Variants in PIK3C2G observed in about 807,000 individuals in gnomAD.
PIK3C2G encodes phosphatidylinositol-4-phosphate 3-kinase catalytic subunit type 2 gamma, also known as phosphatidylinositol 3-kinase C2 domain-containing subunit gamma.
Under a neutral mutation model 181.1 loss-of-function variants are expected in PIK3C2G, and 168 were observed. That is an observed-to-expected ratio of 0.93 (90% CI 0.82 to 1.05). The LOEUF is 1.05. Ranked by LOEUF, PIK3C2G falls within the 50% of genes least tolerant of loss-of-function variation. PIK3C2G has a pLI of 0.00. For synonymous variants in PIK3C2G, 573 were observed against 592.2 expected (o/e 0.97, Z 0.47); for missense variants, 1,869 against 1,732.8 (o/e 1.08, Z -1.40).
At chr12:18,587,653 A>G (rs1946860054) in intron 29 of PIK3C2G, among the ~76,000 whole-genome samples, 1 of 151,908 alleles carries the variant, frequency 6.6e-6, no homozygotes, top group African/African-American at 2.4e-5. Flanking sequence ...AGTCAATGCT[A>G]TTCCTGTCAA....
chr12:18,330,837 G>T (rs1011226569), intron 8 of PIK3C2G, among the ~76,000 whole-genome samples: 2 of 152,144 alleles, frequency 1.3e-5, no homozygotes, highest in Admixed American at 6.6e-5. Context: ...GTCTGTGACT[G>T]GTTGTTGGTT....
chr12:18,331,282 G>C (rs1937937171), intron 8 of PIK3C2G, among the ~76,000 whole-genome samples: 1 of 152,026 alleles, frequency 6.6e-6, no homozygotes, highest in Non-Finnish European at 1.5e-5. Context: ...TTAAAAAATT[G>C]TATTTTCTAA....
intron 30 of PIK3C2G, among the ~76,000 whole-genome samples, chr12:18,607,810 G>A (rs928672440): frequency 4.6e-5 from 7 of 151,912 alleles, no homozygotes; most frequent in Non-Finnish European, 7.4e-5. Flanking sequence ...TCTGACAAAG[G>A]GCTAGTATCC....
the PIK3C2G span, among the ~76,000 whole-genome samples, chr12:18,692,248 G>A: frequency 6.6e-6 from 1 of 152,170 alleles, no homozygotes; most frequent in South Asian, 2.1e-4. Flanking sequence ...ACAGTTCTAG[G>A]AGTAACTAGT....
chr12:18,525,502 T>TTTAGA (rs918573112), intron 24 of PIK3C2G, among the ~76,000 whole-genome samples: 4 of 152,140 alleles, frequency 2.6e-5, no homozygotes, highest in African/African-American at 9.7e-5. Context: ...TTTTGTCAGG[T>TTTAGA]TTAGATTGGG....
chr12:18,582,511 C>T (rs1946555601), intron 29 of PIK3C2G, among the ~76,000 whole-genome samples: 1 of 152,072 alleles, frequency 6.6e-6, no homozygotes, highest in African/African-American at 2.4e-5. Flanking sequence ...ACCGGGCTTC[C>T]TAGCAAAAGT....
intron 31 of PIK3C2G, among the ~76,000 whole-genome samples, chr12:18,611,198 G>A (rs918204290): frequency 4.6e-4 from 70 of 152,204 alleles, no homozygotes; most frequent in Middle Eastern, 3.4e-3. Flanking sequence ...GAATGGGAAA[G>A]AGCAAGAGTT....
chr12:18,381,591 C>T (rs748578209), intron 13 of PIK3C2G, among the ~76,000 whole-genome samples, 175 bp from the exon 14 acceptor site: 5 of 152,156 alleles, frequency 3.3e-5, no homozygotes, highest in African/African-American at 9.7e-5. Flanking sequence ...ATATTAGAAA[C>T]GAACTGTTAA....
At chr12:18,701,061 T>C in the PIK3C2G span, among the ~76,000 whole-genome samples, 1 of 151,912 alleles carries the variant, frequency 6.6e-6, no homozygotes, top group South Asian at 2.1e-4. Flanking sequence ...CTCGGCTCAC[T>C]GCAACATCCG....
At chr12:18,517,811 G>T (rs571271854) in intron 24 of PIK3C2G, among the ~76,000 whole-genome samples, 1 of 152,230 alleles carries the variant, frequency 6.6e-6, no homozygotes, top group East Asian at 1.9e-4. Context: ...TCTTGTGCTG[G>T]TTTTCAAAGG....
At chr12:18,461,964 C>T (rs1187712083) in intron 18 of PIK3C2G, among the ~76,000 whole-genome samples, 2 of 152,206 alleles carry the variant, frequency 1.3e-5, no homozygotes, top group Non-Finnish European at 2.9e-5. Flanking sequence ...CTGACCTCTG[C>T]TTCTGTTGTC....
chr12:18,682,257 T>C, the PIK3C2G span, among the ~76,000 whole-genome samples: 492 of 152,168 alleles, frequency 3.2e-3, 4 homozygotes, highest in African/African-American at 0.011. Context: ...TAAAACATGC[T>C]AGTTGGGTTA....
At chr12:18,627,399 G>A (rs1240584811) in intron 31 of PIK3C2G, among the ~76,000 whole-genome samples, 1 of 152,036 alleles carries the variant, frequency 6.6e-6, no homozygotes, top group African/African-American at 2.4e-5. Flanking sequence ...CATTGCTGGA[G>A]CATTTTTGGT....
intron 30 of PIK3C2G, among the ~76,000 whole-genome samples, chr12:18,606,575 C>T (rs898717280): frequency 4.6e-5 from 7 of 151,906 alleles, no homozygotes; most frequent in African/African-American, 1.7e-4. Flanking sequence ...ATATTATTAA[C>T]AATAAAATTA....
chr12:18,546,091 T>C (rs1401499299), intron 25 of PIK3C2G, among the ~76,000 whole-genome samples: 1 of 151,952 alleles, frequency 6.6e-6, no homozygotes, highest in African/African-American at 2.4e-5. Flanking sequence ...TCTACAAGAA[T>C]GTTCCAATTA....
the PIK3C2G span, chr12:18,701,706 C>T: frequency 6.2e-7 from 1 of 1,611,576 alleles, no homozygotes; most frequent in Admixed American, 1.7e-5. Flanking sequence ...CTTATCAGAA[C>T]CTTTTCTTTC....
At chr12:18,539,069 A>G (rs1944014383) in intron 25 of PIK3C2G, among the ~76,000 whole-genome samples, 1 of 151,898 alleles carries the variant, frequency 6.6e-6, no homozygotes, top group Non-Finnish European at 1.5e-5. Flanking sequence ...TGGGATTTGG[A>G]GTCTATGAAA....
At position 18,497,630 on chromosome 12, in the gene PIK3C2G, T is replaced by A; in HGVS notation, c.2898T>A (p.Asp966Glu). 6.2e-7 allele frequency: 1 copy of A among 1,612,418 alleles called. No individual in the cohort carries two copies. Among genetic ancestry groups the A allele is most frequent in the Non-Finnish European group, 8.5e-7 (1 of 1,179,052 alleles). The change falls in exon 22 of 33, where the codon GAT (aspartate) becomes GAA (glutamate). Residue 966 changes from aspartate (D) to glutamate (E), a missense_variant. By Grantham distance (45) the Asp-to-Glu change is conservative. Coordinates refer to ENST00000538779, the MANE Select transcript of PIK3C2G (RefSeq NM_001288772.2). ...TTTGTTTTTAACAGGCTGGAGATGATCTTCGTCAGGATATGCTTGTTCTGC... is the reference window on the plus strand; with the variant it reads ...TTTGTTTTTAACAGGCTGGAGATGAACTTCGTCAGGATATGCTTGTTCTGC... ...NISIIFKAGD[D>E]LRQDMLVLQL...
At chr12:18,389,593 T>A (rs908490538) in intron 14 of PIK3C2G, among the ~76,000 whole-genome samples, 4 of 152,186 alleles carry the variant, frequency 2.6e-5, no homozygotes, top group East Asian at 1.9e-4. Context: ...TTATGTATGG[T>A]GCTTAAAAGT....
Sources: allele counts gnomAD v4.1 joint callset (sites outside exome capture counted in the v4.1 genomes callset), GRCh38; gene constraint gnomAD v4.1.1; transcripts MANE v1.5; gene names NCBI Gene and HGNC (gene_info 2026-07-23, HGNC 2026-07-21).